WDR7: variants seen among roughly 807,000 people sequenced by gnomAD.
The protein encoded by WDR7 is WD repeat-containing protein 7.
WDR7 carries 46 observed loss-of-function variants against 169.4 expected under a neutral mutation model. The ratio of observed to expected loss-of-function variants is 0.27; its 90% CI spans 0.21 to 0.35. The LOEUF (loss-of-function observed/expected upper bound fraction) is 0.35, where lower values mean the gene tolerates loss of function less well. Among genes scored for constraint, WDR7 ranks in the 10% least tolerant of loss-of-function variants. The pLI is 1.00. For synonymous variants in WDR7, 612 were observed against 666.8 expected, an observed-to-expected ratio of 0.92 and a Z score of 1.27; for missense variants, 1,534 against 1,859.3, an observed-to-expected ratio of 0.83 and a Z score of 3.22.
At chr18:56,974,757 G>A (rs151011784) in intron 26 of WDR7, among the ~76,000 whole-genome samples, 58 of 152,274 alleles carry the variant, frequency 3.8e-4, no homozygotes, top group African/African-American at 1.4e-3. Context: ...GTATTGACAT[G>A]GCACTATGAA....
intron 14 of WDR7, among the ~76,000 whole-genome samples, chr18:56,747,434 T>G (rs1017170845): frequency 6.6e-6 from 1 of 152,206 alleles, no homozygotes; most frequent in Admixed American, 6.5e-5. Flanking sequence ...CATGCATTCA[T>G]TCAGCACATA....
chr18:56,755,538 G>A (rs9963823), intron 14 of WDR7, among the ~76,000 whole-genome samples: 2,086 of 152,300 alleles, frequency 0.014, 45 homozygotes, highest in African/African-American at 0.048. Flanking sequence ...ATGATTTCCA[G>A]CTGATGAATC....
At chr18:56,989,619 CT>C (rs951207795) in intron 26 of WDR7, among the ~76,000 whole-genome samples, 2 of 152,102 alleles carry the variant, frequency 1.3e-5, no homozygotes, top group African/African-American at 4.8e-5. Flanking sequence ...AAGTGAAAGA[CT>C]TTTTTAGGAA....
intron 16 of WDR7, among the ~76,000 whole-genome samples, chr18:56,763,039 C>G (rs1402067838): frequency 6.6e-6 from 1 of 152,004 alleles, no homozygotes; most frequent in African/African-American, 2.4e-5. Context: ...CAGCTCACTG[C>G]AAGCTCCGCC....
At chr18:56,878,447 T>G (rs2046059173) in intron 20 of WDR7, among the ~76,000 whole-genome samples, 1 of 152,198 alleles carries the variant, frequency 6.6e-6, no homozygotes, top group Non-Finnish European at 1.5e-5. Context: ...AAACCTGAGC[T>G]GTTTATTTTC....
intron 1 of WDR7, among the ~76,000 whole-genome samples, chr18:56,653,244 T>C (rs922051255): frequency 2.0e-5 from 3 of 152,122 alleles, no homozygotes; most frequent in Admixed American, 6.5e-5. Context: ...TTCGCTCTTA[T>C]TGCCCAGGCT....
intron 20 of WDR7, among the ~76,000 whole-genome samples, chr18:56,878,420 A>G (rs931047377): frequency 6.6e-6 from 1 of 152,016 alleles, no homozygotes; most frequent in Admixed American, 6.6e-5. Context: ...TTTTTCATGC[A>G]CTTGTGAGAT....
chr18:56,935,981 T>C lies in WDR7; in HGVS notation c.3831+76T>C, dbSNP rs578152573. 2.2e-5 allele frequency: 29 copies of C among 1,290,204 alleles called. No homozygotes were observed. The African/African-American group carries it at 4.2e-4, about 18-fold the overall frequency. The allele number at this position is 1,290,204 out of a possible 1,614,324, so 79.9% of individuals were successfully genotyped here. A position where few individuals can be genotyped will look rare whatever the true frequency, so the allele number is the denominator to read the frequency against. ...TGATACTATAAGCTGAGGGTTCATATCCACAAATCCCCTTTACAGTTTATT... is the reference window on the plus strand; with the variant it reads ...TGATACTATAAGCTGAGGGTTCATACCCACAAATCCCCTTTACAGTTTATT... On this transcript the variant is annotated intron_variant, in intron 23 of 27. Coordinates refer to ENST00000254442, the MANE Select transcript of WDR7 (RefSeq NM_015285.3).
intron 14 of WDR7, among the ~76,000 whole-genome samples, chr18:56,734,472 C>T (rs1460064621): frequency 7.1e-6 from 1 of 139,992 alleles, no homozygotes; most frequent in Non-Finnish European, 1.5e-5. Flanking sequence ...TAGACGTTGT[C>T]AAATTTCCCT....
intron 13 of WDR7, among the ~76,000 whole-genome samples, chr18:56,726,320 G>T (rs556992605): frequency 6.6e-6 from 1 of 152,140 alleles, no homozygotes; most frequent in Admixed American, 6.6e-5. Context: ...TATCCTCTTT[G>T]ATTTCATTGA....
At chr18:56,784,767 C>T (rs982233872) in intron 19 of WDR7, among the ~76,000 whole-genome samples, 5 of 152,062 alleles carry the variant, frequency 3.3e-5, no homozygotes, top group Non-Finnish European at 7.4e-5. Flanking sequence ...CATATTTAAA[C>T]CTTTCTGTTT....
rs1322780092 is a variant in WDR7, at chr18:56,705,991, C to CTT, written c.1578+9529_1578+9530insTT. On this transcript the variant is annotated intron_variant, in intron 12 of 27. Transcript: ENST00000254442. ...CCAGCCTGGGCGACAGAGGGAGATG[C>CTT]CGTCTCAAAAACCACAACAAAAAGA... Among the ~76,000 whole-genome samples, 539 of 152,238 alleles carry CTT rather than the reference C, an allele frequency of 3.5e-3. 2 individuals are homozygous for CTT. The highest frequency in any genetic ancestry group is 0.017 in the Middle Eastern group (5 of 294).
intron 20 of WDR7, among the ~76,000 whole-genome samples, chr18:56,862,426 AAATTC>A (rs1343967947): frequency 6.6e-6 from 1 of 151,544 alleles, no homozygotes; most frequent in Non-Finnish European, 1.5e-5. Context: ...GTCAACTCTT[AAATTC>A]AACATAGCAT....
intron 21 of WDR7, among the ~76,000 whole-genome samples, chr18:56,921,851 C>A (rs1258172819): frequency 1.3e-5 from 2 of 152,170 alleles, no homozygotes; most frequent in Non-Finnish European, 2.9e-5. Flanking sequence ...TCCTCTAGAG[C>A]TCCCAACACA....
At chr18:56,742,394 A>G (rs2043633014) in intron 14 of WDR7, among the ~76,000 whole-genome samples, 1 of 152,178 alleles carries the variant, frequency 6.6e-6, no homozygotes, top group Non-Finnish European at 1.5e-5. Flanking sequence ...TTTATGGCAA[A>G]ATGCTAATAA....
chr18:56,932,888 TG>T (rs2046908131), intron 22 of WDR7, among the ~76,000 whole-genome samples: 2 of 151,784 alleles, frequency 1.3e-5, no homozygotes, highest in Non-Finnish European at 2.9e-5. Flanking sequence ...TGTGTGTGTG[TG>T]TGTGTGTGTG....
At chr18:56,786,668 A>T (rs1362122820) in intron 19 of WDR7, among the ~76,000 whole-genome samples, 1 of 152,082 alleles carries the variant, frequency 6.6e-6, no homozygotes, top group Non-Finnish European at 1.5e-5. Flanking sequence ...TATCGTGAGT[A>T]TGTAAACTTT....
At chr18:56,970,582 C>A (rs1350794899) in intron 26 of WDR7, among the ~76,000 whole-genome samples, 1 of 152,134 alleles carries the variant, frequency 6.6e-6, no homozygotes, top group Non-Finnish European at 1.5e-5. Flanking sequence ...TTTCCATATA[C>A]CTCTGCTCCC....
At chr18:56,664,421 A>G (rs2024974040) in intron 1 of WDR7, among the ~76,000 whole-genome samples, 3 of 152,198 alleles carry the variant, frequency 2.0e-5, no homozygotes, top group Non-Finnish European at 1.5e-5. Context: ...AAATGTAGAC[A>G]TGTTTGAAGG....
Sources: gnomAD v4.1 joint callset for allele counts (sites outside exome capture counted in the v4.1 genomes callset) on GRCh38, gnomAD v4.1.1 for gene constraint, MANE v1.5 for transcripts, NCBI Gene and HGNC (gene_info 2026-07-23, HGNC 2026-07-21) for gene names.